VAV2: variants seen among roughly 807,000 people sequenced by gnomAD.
VAV2 encodes the protein vav guanine nucleotide exchange factor 2.
A neutral mutation model predicts 132.5 loss-of-function variants in VAV2; 67 were observed. That is an observed-to-expected ratio of 0.51 (90% CI 0.42 to 0.62). VAV2 has a LOEUF of 0.62. VAV2 is among the 20% of genes least tolerant of loss of function. The pLI, the probability that VAV2 is intolerant of heterozygous loss-of-function variation, is 0.00. For synonymous variants in VAV2, 492 were observed against 443.5 expected (o/e 1.11, Z -1.37); for missense variants, 938 against 1,153.6 (o/e 0.81, Z 2.71).
chr9:133,793,594 T>G (rs1251344665), intron 12 of VAV2, among the ~76,000 whole-genome samples: 1 of 152,056 alleles, frequency 6.6e-6, no homozygotes, highest in Non-Finnish European at 1.5e-5. Flanking sequence ...ATTACAACTG[T>G]GACCACCGCG....
intron 3 of VAV2, among the ~76,000 whole-genome samples, chr9:133,849,164 C>T (rs1837070655): frequency 6.6e-6 from 1 of 152,052 alleles, no homozygotes; most frequent in South Asian, 2.1e-4. Flanking sequence ...GGCTTCACCT[C>T]ATGCCAATGA....
chr9:133,931,527 A>G (rs1017924310), intron 2 of VAV2, among the ~76,000 whole-genome samples: 1 of 151,438 alleles, frequency 6.6e-6, no homozygotes, highest in Non-Finnish European at 1.5e-5. Flanking sequence ...CTCTGCCCAG[A>G]AGTGCAGCCC....
intron 3 of VAV2, among the ~76,000 whole-genome samples, chr9:133,856,999 G>A (rs1837410054): frequency 6.6e-6 from 1 of 152,198 alleles, no homozygotes; most frequent in South Asian, 2.1e-4. Flanking sequence ...AACCCCGCGA[G>A]GCAGAGTCAT....
intron 3 of VAV2, among the ~76,000 whole-genome samples, chr9:133,843,660 G>A (rs1412416034): frequency 6.6e-6 from 1 of 152,220 alleles, no homozygotes; most frequent in Non-Finnish European, 1.5e-5. Flanking sequence ...TGTGAAGGAA[G>A]GAGGGGGAAG....
chr9:133,927,100 A>T (rs1429240460), intron 2 of VAV2, among the ~76,000 whole-genome samples: 1 of 41,402 alleles, frequency 2.4e-5, no homozygotes, highest in Non-Finnish European at 1.1e-4. Flanking sequence ...ATCAGGACCT[A>T]CCTTACCAGT....
intron 1 of VAV2, among the ~76,000 whole-genome samples, chr9:133,984,813 T>C (rs1404015630): frequency 6.6e-6 from 1 of 151,432 alleles, no homozygotes; most frequent in Non-Finnish European, 1.5e-5. Context: ...GAGGCTGAGA[T>C]GCGATAATTA....
At chr9:133,941,642 T>C (rs1408639601) in intron 1 of VAV2, among the ~76,000 whole-genome samples, 5 of 149,714 alleles carry the variant, frequency 3.3e-5, no homozygotes, top group Non-Finnish European at 7.4e-5. Context: ...CGCCCTTGTT[T>C]CCCAGGCTGG....
rs1837659874 is a variant in VAV2 at position 133,863,038 on chromosome 9, T to C, written c.322-1606A>G. On this transcript the variant is annotated intron_variant, in intron 2 of 29. Coordinates refer to ENST00000371850, the MANE Select transcript of VAV2 (RefSeq NM_001134398.2). The surrounding 1 kb of genome is among the most constrained non-coding windows in gnomAD (Gnocchi z 5.0). ...CACACAAGACTCGATGGGCCCATTA[T>C]GCGGCCAGCCCAGCCGCACTCCCAT... Among the ~76,000 whole-genome samples the C allele has an allele frequency of 6.6e-6, 1 of 152,198 alleles. No homozygotes were observed. The highest frequency in any genetic ancestry group is 2.1e-4 in the South Asian group (1 of 4,832).
chr9:133,932,761 G>A (rs1403022951), intron 2 of VAV2, among the ~76,000 whole-genome samples: 3 of 152,160 alleles, frequency 2.0e-5, no homozygotes, highest in East Asian at 1.9e-4. Context: ...TGGCTCCACC[G>A]AGCCTGGATG....
chr9:133,869,853 C>T (rs73662316), intron 2 of VAV2, among the ~76,000 whole-genome samples: 5,741 of 152,310 alleles, frequency 0.038, 213 homozygotes, highest in African/African-American at 0.094. Context: ...CGCAGCCCAA[C>T]GGAGCCAAAT....
chr9:133,939,776 G>A (rs1045802263), intron 1 of VAV2, among the ~76,000 whole-genome samples: 16 of 152,244 alleles, frequency 1.1e-4, no homozygotes, highest in Non-Finnish European at 2.2e-4. Flanking sequence ...TCCTAATCAC[G>A]GGTGACAAAG....
At chr9:133,983,660 C>T (rs1222667765) in intron 1 of VAV2, among the ~76,000 whole-genome samples, 1 of 152,190 alleles carries the variant, frequency 6.6e-6, no homozygotes, top group Non-Finnish European at 1.5e-5. Context: ...TCTTCGCCAA[C>T]GCCAGGCTAT....
At position 133,787,212 on chromosome 9, in the gene VAV2, G is replaced by A. The variant is rs762347970; in HGVS notation, c.1422+34C>T. 7 of 1,559,826 alleles carry A rather than the reference G, an allele frequency of 4.5e-6. 1 individual carries two copies. In the South Asian group the frequency reaches 8.4e-5, roughly 19 times the overall value. The stretch of plus-strand genomic sequence containing the variant: ...GCCAGCACCAGGCTGGGATGATTGA[G>A]GCAGGTGGGAGGACCTGGGCGCTAG... On this transcript the variant is annotated intron_variant, in intron 16 of 29. Transcript: ENST00000371850.
intron 2 of VAV2, among the ~76,000 whole-genome samples, chr9:133,862,599 G>A (rs1246406922): frequency 6.6e-6 from 1 of 152,200 alleles, no homozygotes; most frequent in Non-Finnish European, 1.5e-5. Context: ...TGTGTGTCTG[G>A]GGGTGGGCAA....
In VAV2 at chr9:133,789,253, C is replaced by T; in HGVS notation, c.1274+5G>A. Reference sequence around the variant, plus strand: ...CACCCAGCCCACAACACGCGCCCTGCTCACCTGTCCTGCTTGGTGTGGTTG... The same window carrying T: ...CACCCAGCCCACAACACGCGCCCTGTTCACCTGTCCTGCTTGGTGTGGTTG... On this transcript the variant is annotated splice_donor_5th_base_variant and intron_variant, in intron 14 of 29. Transcript: ENST00000371850. The T allele has an allele frequency of 6.2e-7, 1 of 1,613,964 alleles. No individual in the cohort carries two copies. The highest frequency in any genetic ancestry group is 1.7e-4 in the Middle Eastern group (1 of 6,056).
intron 2 of VAV2, among the ~76,000 whole-genome samples, chr9:133,889,629 C>A (rs1043795114): frequency 2.6e-5 from 4 of 152,194 alleles, no homozygotes; most frequent in Non-Finnish European, 4.4e-5. Context: ...TGCACAAATA[C>A]ATTAAGCCAG....
chr9:133,781,787 G>T lies in VAV2; in HGVS notation c.1724-1077C>A, dbSNP rs573655637. Among the ~76,000 whole-genome samples, 3 of 152,344 alleles carry T rather than the reference G, an allele frequency of 2.0e-5. No homozygotes were observed. In the East Asian group the frequency reaches 5.8e-4, roughly 29 times the overall value. The stretch of plus-strand genomic sequence containing the variant: ...GCGTCCCCCAGCAGAGGGATGAGGA[G>T]GGGGGCAAGGACACAGGCCCCTGGG... On this transcript the variant is annotated intron_variant, in intron 19 of 29. Coordinates refer to ENST00000371850, the MANE Select transcript of VAV2 (RefSeq NM_001134398.2).
chr9:133,991,980 C>A lies in VAV2; in HGVS notation c.204+95G>T. 9.0e-7 allele frequency: 1 copy of A among 1,114,428 alleles called. No homozygotes were observed. Among genetic ancestry groups the A allele is most frequent in the South Asian group, 4.0e-5 (1 of 25,122 alleles). The allele number at this position is 1,114,428 out of a possible 1,614,324, so 69.0% of individuals were successfully genotyped here. A position where few individuals can be genotyped will look rare whatever the true frequency, so the allele number is the denominator to read the frequency against. The stretch of plus-strand genomic sequence containing the variant: ...AGCCCGGCCGCCCCAGCCAGGGCGC[C>A]TGGGCCGCCGCCGCTGCGACCTCCG... On this transcript the variant is annotated intron_variant, in intron 1 of 29. Transcript: ENST00000371850. The surrounding 1 kb of genome is among the most constrained non-coding windows in gnomAD (Gnocchi z 4.8).
chr9:133,778,072 C>T (rs549010779), intron 22 of VAV2, among the ~76,000 whole-genome samples: 30 of 152,150 alleles, frequency 2.0e-4, no homozygotes, highest in African/African-American at 6.7e-4. Context: ...CTCAGACGCC[C>T]GGGTGCCAGC....
Sources: gnomAD v4.1 joint callset for allele counts (sites outside exome capture counted in the v4.1 genomes callset) on GRCh38, gnomAD v4.1.1 for gene constraint, Gnocchi (gnomAD v3.1) non-coding constraint, MANE v1.5 for transcripts, NCBI Gene and HGNC (gene_info 2026-07-23, HGNC 2026-07-21) for gene names.